The following NRP2 variants were observed in gnomAD, a reference collection of about 807,000 sequenced individuals.
NRP2 encodes neuropilin-2.
A neutral mutation model predicts 110.4 loss-of-function variants in NRP2; 52 were observed. That is an observed-to-expected ratio of 0.47 (90% CI 0.38 to 0.59). NRP2 has a LOEUF of 0.59. Among genes scored for constraint, NRP2 ranks in the 20% least tolerant of loss-of-function variants. The pLI is 0.00. For synonymous variants in NRP2, 508 were observed against 468.9 expected, an observed-to-expected ratio of 1.08 and a Z score of -1.08; for missense variants, 1,049 against 1,203.0, an observed-to-expected ratio of 0.87 and a Z score of 1.89.
chr2:205,751,699 G>A (rs2057649111), intron 11 of NRP2, among the ~76,000 whole-genome samples: 1 of 152,142 alleles, frequency 6.6e-6, no homozygotes, highest in African/African-American at 2.4e-5. Context: ...CTCACCCCTA[G>A]GGTGAGTAAT....
rs1559355393 is a variant in NRP2 at position 205,763,741 on chromosome 2, C to T, written c.2112C>T (p.Ser704=). The change falls in exon 13 of 17, where the codon AGC becomes AGT. Residue 704 remains serine, a synonymous_variant. Coordinates refer to ENST00000357785, the MANE Select transcript of NRP2 (RefSeq NM_003872.3). The surrounding 1 kb of genome is among the most constrained non-coding windows in gnomAD (Gnocchi z 4.0). ...AGGGCCAGTATGCCCGGCTCATCAG[C>T]CCCCCTGTCCACCTGCCCCGAAGCC... The part of the protein sequence containing the change: ...QREGQYARLI[S]PPVHLPRSPV... 1 of 1,614,158 alleles carries T rather than the reference C, an allele frequency of 6.2e-7. No homozygotes were observed. Among genetic ancestry groups the T allele is most frequent in the Non-Finnish European group, 8.5e-7 (1 of 1,180,018 alleles).
chr2:205,790,726 C>A (rs969911460), intron 15 of NRP2, among the ~76,000 whole-genome samples: 27 of 151,980 alleles, frequency 1.8e-4, no homozygotes, highest in African/African-American at 6.0e-4. Flanking sequence ...TGACAAACAC[C>A]ACCTTCCTCT....
chr2:205,743,677 A>G, intron 9 of NRP2, 125 bp downstream of exon 9: 1 of 1,475,260 alleles, frequency 6.8e-7, no homozygotes, highest in South Asian at 1.4e-5. Context: ...ATCCAATAAA[A>G]CAAATATCGT....
chr2:205,711,611 G>C (rs1205267895), intron 2 of NRP2, among the ~76,000 whole-genome samples: 2 of 152,212 alleles, frequency 1.3e-5, no homozygotes. Context: ...ATGATCTTAT[G>C]ATGAGCAGTG....
At chr2:205,684,874 C>G (rs1290894830) in intron 1 of NRP2, among the ~76,000 whole-genome samples, 2 of 152,242 alleles carry the variant, frequency 1.3e-5, no homozygotes, top group Non-Finnish European at 2.9e-5. Context: ...TGTGTGTGCA[C>G]ACGCGCGCGC....
intron 9 of NRP2, 134 bp downstream of exon 9, chr2:205,743,686 G>C (rs994611648): frequency 6.8e-7 from 1 of 1,460,262 alleles, no homozygotes; most frequent in African/African-American, 1.4e-5. Flanking sequence ...AACAAATATC[G>C]TTTGAGAGAT....
intron 7 of NRP2, 27 bp downstream of exon 7, chr2:205,728,073 C>T: frequency 3.1e-6 from 5 of 1,613,756 alleles, no homozygotes; most frequent in Non-Finnish European, 4.2e-6. Context: ...ACCTTAAAGG[C>T]ACATTGGACC....
At position 205,725,537 on chromosome 2, in the gene NRP2, G is replaced by A. The variant is rs548483058; in HGVS notation, c.821-376G>A. Among the ~76,000 whole-genome samples, 1 of 152,314 alleles carries A rather than the reference G, an allele frequency of 6.6e-6. No individual in the cohort carries two copies. Among genetic ancestry groups the A allele is most frequent in the African/African-American group, 2.4e-5 (1 of 41,578 alleles). ...TTTATTAATAAAGCAGGCTTCCCAC[G>A]ATGTATGAGCTCACCCAAATCGCCA... On this transcript the variant is annotated intron_variant, in intron 5 of 16. Transcript: ENST00000357785. This position sits in a 1 kb window ranked among gnomAD's most constrained non-coding sequence, Gnocchi z 4.1.
At chr2:205,790,480 C>T (rs1441035418) in intron 15 of NRP2, among the ~76,000 whole-genome samples, 1 of 152,122 alleles carries the variant, frequency 6.6e-6, no homozygotes, top group Non-Finnish European at 1.5e-5. Flanking sequence ...TAAAAGCAAG[C>T]ATAGGATTTG....
chr2:205,752,039 T>C (rs1289848293), intron 11 of NRP2, among the ~76,000 whole-genome samples: 1 of 152,112 alleles, frequency 6.6e-6, no homozygotes, highest in African/African-American at 2.4e-5. Context: ...CTCAGGCAGG[T>C]GAACCATCAA....
chr2:205,784,190 A>C (rs1277989468), intron 15 of NRP2, among the ~76,000 whole-genome samples: 1 of 152,206 alleles, frequency 6.6e-6, no homozygotes, highest in Non-Finnish European at 1.5e-5. Flanking sequence ...CATTAACAGG[A>C]TGCCTGGACT....
intron 7 of NRP2, among the ~76,000 whole-genome samples, chr2:205,732,479 G>A (rs370620664): frequency 3.3e-5 from 5 of 152,208 alleles, no homozygotes; most frequent in South Asian, 4.1e-4. Flanking sequence ...ACAGGGCACC[G>A]TGTGATCTTG....
At chr2:205,702,817 C>T (rs2056588998) in intron 2 of NRP2, among the ~76,000 whole-genome samples, 1 of 152,224 alleles carries the variant, frequency 6.6e-6, no homozygotes, top group Non-Finnish European at 1.5e-5. Flanking sequence ...GCATGAGCCC[C>T]CTGAGTTCCC....
chr2:205,705,735 A>T (rs1419434686), intron 2 of NRP2, among the ~76,000 whole-genome samples: 1 of 152,098 alleles, frequency 6.6e-6, no homozygotes, highest in Non-Finnish European at 1.5e-5. Flanking sequence ...GAGAGATCAC[A>T]CAGATAGTAA....
chr2:205,740,479 CA>C (rs767787149), intron 7 of NRP2, 39 bp from the exon 8 acceptor site: 1 of 1,613,020 alleles, frequency 6.2e-7, no homozygotes, highest in South Asian at 1.1e-5. Flanking sequence ...GAACTACAAA[CA>C]GGGGTTTCAA....
chr2:205,687,487 G>T (rs2056199250), intron 1 of NRP2, among the ~76,000 whole-genome samples: 1 of 152,182 alleles, frequency 6.6e-6, no homozygotes, highest in African/African-American at 2.4e-5. Context: ...GTGGCCAGTT[G>T]CCAGCAGAGC....
chr2:205,740,061 G>A lies in NRP2; in HGVS notation c.1147-458G>A, dbSNP rs116742904. The A allele has an allele frequency of 1.5e-3, 421 of 272,080 alleles. 2 individuals are homozygous for A. Among genetic ancestry groups the A allele is most frequent in the African/African-American group, 8.0e-3 (358 of 44,890 alleles). 16.9% of individuals were successfully genotyped at this position (272,080 alleles called of 1,614,324 possible). ...CATCAAGTAACTAACAAAAACAACCGTGAAGCACTTTGCAATTAGAAAATG... is the reference window on the plus strand; with the variant it reads ...CATCAAGTAACTAACAAAAACAACCATGAAGCACTTTGCAATTAGAAAATG... On this transcript the variant is annotated intron_variant, in intron 7 of 16. Transcript: ENST00000357785.
intron 12 of NRP2, among the ~76,000 whole-genome samples, chr2:205,753,802 A>G (rs889961795): frequency 2.0e-5 from 3 of 152,220 alleles, no homozygotes; most frequent in Non-Finnish European, 4.4e-5. Flanking sequence ...AGCTACCAAC[A>G]CAACATCAAT....
chr2:205,730,425 C>T (rs1390021074), intron 7 of NRP2, among the ~76,000 whole-genome samples: 1 of 152,102 alleles, frequency 6.6e-6, no homozygotes, highest in Non-Finnish European at 1.5e-5. Flanking sequence ...CCGAGTGCCA[C>T]CACTGAGTTT....
Sources: allele counts gnomAD v4.1 joint callset (sites outside exome capture counted in the v4.1 genomes callset), GRCh38; gene constraint gnomAD v4.1.1; non-coding constraint Gnocchi (gnomAD v3.1); transcripts MANE v1.5; gene names NCBI Gene and HGNC (gene_info 2026-07-23, HGNC 2026-07-21).